Variants in DARS1 observed in about 807,000 individuals in gnomAD.
DARS1 encodes the protein aspartate--tRNA ligase, cytoplasmic.
In DARS1, 51 loss-of-function variants were observed where a neutral mutation model predicts 68.8. The ratio of observed to expected loss-of-function variants is 0.74; its 90% confidence interval spans 0.59 to 0.94. DARS1 has a LOEUF of 0.94. DARS1 is among the 40% of genes least tolerant of loss of function. The pLI is 0.00. For synonymous variants in DARS1, 203 were observed against 190.4 expected, an observed-to-expected ratio of 1.07 and a Z score of -0.55; for missense variants, 607 against 597.3, an observed-to-expected ratio of 1.02 and a Z score of -0.17.
intron 10 of DARS1, among the ~76,000 whole-genome samples, 156 bp downstream of exon 10, chr2:135,920,297 A>G (rs1416906933): frequency 6.6e-6 from 1 of 152,108 alleles, no homozygotes; most frequent in Admixed American, 6.6e-5. Context: ...CTGAGTGTAG[A>G]TTTTTCCAAC....
At chr2:135,955,773 G>A (rs1010040990) in intron 4 of DARS1, among the ~76,000 whole-genome samples, 8 of 127,330 alleles carry the variant, frequency 6.3e-5, no homozygotes, top group African/African-American at 2.1e-4. Context: ...TGCAACCTTC[G>A]CCTCCCAGGT....
At chr2:135,927,544 C>T (rs1455774539) in intron 7 of DARS1, among the ~76,000 whole-genome samples, 3 of 152,030 alleles carry the variant, frequency 2.0e-5, no homozygotes, top group Non-Finnish European at 4.4e-5. Flanking sequence ...TTGGGTCAGA[C>T]AAATATTTTA....
chr2:135,967,064 G>C (rs1399821201), intron 3 of DARS1, among the ~76,000 whole-genome samples: 1 of 152,160 alleles, frequency 6.6e-6, no homozygotes, highest in South Asian at 2.1e-4. Flanking sequence ...CAATGAAATA[G>C]GCCTTCATGG....
Position 135,924,439 on chromosome 2 carries a change from T to C in DARS1, c.624A>G (p.Glu208=), listed in dbSNP as rs1353301574. The C allele has an allele frequency of 6.2e-7, 1 of 1,609,664 alleles. No individual in the cohort carries two copies. Among genetic ancestry groups the C allele is most frequent in the Non-Finnish European group, 8.5e-7 (1 of 1,178,846 alleles). The change falls in exon 8 of 16, where the codon GAA becomes GAG. Residue 208 remains glutamate, a synonymous_variant. Coordinates refer to ENST00000264161, the MANE Select transcript of DARS1 (RefSeq NM_001349.4). ...CCACAAAACCTTTGTTAATTAAAGT[T>C]TCTCGGAAGAGATGGCAGATGCCAG... ...LQSGICHLFR[E]TLINKGFVEI...
chr2:135,914,926 A>G (rs1157075839), intron 11 of DARS1: 1 of 154,746 alleles, frequency 6.5e-6, no homozygotes, highest in Non-Finnish European at 1.4e-5. Context: ...CCAAGGTTTT[A>G]AAAGTGTTTA....
chr2:135,918,386 T>A (rs1681048134), intron 10 of DARS1, among the ~76,000 whole-genome samples: 1 of 152,082 alleles, frequency 6.6e-6, no homozygotes, highest in African/African-American at 2.4e-5. Flanking sequence ...ATACATACAA[T>A]AGAATACAAA....
chr2:135,907,390 T>C lies in DARS1; in HGVS notation c.1432A>G (p.Met478Val), dbSNP rs370805809. Residue 478 changes from methionine (M) to valine (V), a missense_variant, in exon 16 of 16, where the codon ATG (methionine) becomes GTG (valine). By Grantham distance (21) the Met-to-Val change is conservative. Coordinates refer to ENST00000264161, the MANE Select transcript of DARS1 (RefSeq NM_001349.4). Reference sequence around the variant, plus strand: ...ACATTATGCAATCCCAGAAACAGCATAGTAACTCGTTCCAATCCTGGGGAA... The same window carrying C: ...ACATTATGCAATCCCAGAAACAGCACAGTAACTCGTTCCAATCCTGGGGAA... ...GGGIGLERVT[M>V]LFLGLHNVRQ... 17 of 1,608,128 alleles carry C rather than the reference T, an allele frequency of 1.1e-5. No homozygotes were observed. Among genetic ancestry groups the C allele is most frequent in the South Asian group, 4.4e-5 (4 of 90,886 alleles).
At position 135,968,658 on chromosome 2, in the gene DARS1, C is replaced by CTT. The variant is rs765797736; in HGVS notation, c.218-7162_218-7161dup. 6.9e-3 allele frequency among the ~76,000 whole-genome samples: 887 copies of CTT among 129,006 alleles called. 14 individuals are homozygous for CTT. Among genetic ancestry groups the CTT allele is most frequent in the African/African-American group, 0.02 (666 of 33,942 alleles). The allele number at this position is 129,006 out of a possible 152,430, so 84.6% of individuals were successfully genotyped here. ...CAACAATGCCACACTGGGGATTCAG[C>CTT]TTTTTTTTTTTTTTTTTTTTTGAGA... On this transcript the variant is annotated intron_variant, in intron 3 of 15. Coordinates refer to ENST00000264161, the MANE Select transcript of DARS1 (RefSeq NM_001349.4).
At chr2:135,957,511 C>G (rs545347357) in intron 4 of DARS1, among the ~76,000 whole-genome samples, 2 of 152,138 alleles carry the variant, frequency 1.3e-5, no homozygotes, top group Non-Finnish European at 1.5e-5. Context: ...AGCCACCACG[C>G]TCGGCCGACT....
At chr2:135,960,572 T>A (rs1682077504) in intron 4 of DARS1, among the ~76,000 whole-genome samples, 1 of 152,228 alleles carries the variant, frequency 6.6e-6, no homozygotes, top group African/African-American at 2.4e-5. Flanking sequence ...ATTGAATTCT[T>A]TCTTTTAAAA....
At chr2:135,980,871 T>A (rs1393674427) in intron 2 of DARS1, among the ~76,000 whole-genome samples, 1 of 152,208 alleles carries the variant, frequency 6.6e-6, no homozygotes. Context: ...TTCTTTCTTG[T>A]GGCATGGCAA....
At chr2:135,908,540 A>G (rs1680833569) in intron 15 of DARS1, among the ~76,000 whole-genome samples, 1 of 152,222 alleles carries the variant, frequency 6.6e-6, no homozygotes, top group Non-Finnish European at 1.5e-5. Context: ...AACAGTGTAA[A>G]AGCATTCCTA....
chr2:135,952,751 C>T (rs1175541021), intron 4 of DARS1, among the ~76,000 whole-genome samples: 1 of 152,166 alleles, frequency 6.6e-6, no homozygotes, highest in Admixed American at 6.5e-5. Context: ...GTATATATCC[C>T]ACACTTTATC....
At chr2:135,947,470 T>C (rs1681751407) in intron 4 of DARS1, among the ~76,000 whole-genome samples, 1 of 151,324 alleles carries the variant, frequency 6.6e-6, no homozygotes, top group Non-Finnish European at 1.5e-5. Context: ...AACAACTAAA[T>C]CCCTAAAGTA....
At chr2:135,938,247 A>G (rs1490154387) in intron 5 of DARS1, among the ~76,000 whole-genome samples, 1 of 152,154 alleles carries the variant, frequency 6.6e-6, no homozygotes, top group African/African-American at 2.4e-5. Flanking sequence ...TTGATCTTCA[A>G]TCACAGATAC....
intron 2 of DARS1, among the ~76,000 whole-genome samples, chr2:135,982,853 C>T (rs1204218058): frequency 6.6e-6 from 1 of 152,190 alleles, no homozygotes; most frequent in African/African-American, 2.4e-5. Context: ...CCAAGTCTGG[C>T]AGACTCTGTG....
chr2:135,940,894 T>C (rs574598277), intron 5 of DARS1, among the ~76,000 whole-genome samples: 1 of 152,168 alleles, frequency 6.6e-6, no homozygotes, highest in South Asian at 2.1e-4. Context: ...AAATCATGAG[T>C]GAACTCCCAT....
chr2:135,962,505 G>C (rs1403757953), intron 3 of DARS1, among the ~76,000 whole-genome samples: 2 of 152,110 alleles, frequency 1.3e-5, no homozygotes, highest in Admixed American at 6.5e-5. Context: ...AAAAAGGAAA[G>C]CAAAAATGCA....
chr2:135,950,355 A>T (rs972092398), intron 4 of DARS1, among the ~76,000 whole-genome samples: 1 of 152,228 alleles, frequency 6.6e-6, no homozygotes, highest in African/African-American at 2.4e-5. Flanking sequence ...TTCCTCACAG[A>T]CATATTTCTC....
Sources: allele counts gnomAD v4.1 joint callset (sites outside exome capture counted in the v4.1 genomes callset), GRCh38; gene constraint gnomAD v4.1.1; transcripts MANE v1.5; gene names NCBI Gene and HGNC (gene_info 2026-07-23, HGNC 2026-07-21).